The following VWC2 variants were observed in gnomAD, a reference collection of about 807,000 sequenced individuals.
The protein encoded by VWC2 is von Willebrand factor C domain containing 2.
A neutral mutation model predicts 29.8 loss-of-function variants in VWC2; 14 were observed. The observed-to-expected ratio is 0.47, with a 90% CI of 0.31 to 0.74. The LOEUF (loss-of-function observed/expected upper bound fraction) is 0.74, where lower values mean the gene tolerates loss of function less well. Among genes scored for constraint, VWC2 ranks in the 30% least tolerant of loss-of-function variants. The pLI is 0.05. For missense variants in VWC2, 457 were observed against 459.8 expected (o/e 0.99, Z 0.05); for synonymous variants, 213 against 199.0 (o/e 1.07, Z -0.59).
In VWC2 at chr7:49,911,944, C is replaced by A. The variant is rs1289639685; in HGVS notation, c.827-90C>A. ...ACACGCACACACACACACACACACA[C>A]ACATATATATACTGTAATGCTTAAT... is the stretch of plus-strand genomic sequence containing the variant. On this transcript the variant is annotated intron_variant, in intron 3 of 3. Coordinates refer to ENST00000340652, the MANE Select transcript of VWC2 (RefSeq NM_198570.5). 31 of 1,039,272 alleles carry A rather than the reference C, an allele frequency of 3.0e-5. 1 individual carries two copies. Among genetic ancestry groups the A allele is most frequent in the Non-Finnish European group, 3.9e-5 (30 of 770,418 alleles). The allele number at this position is 1,039,272 out of a possible 1,614,324, so 64.4% of individuals were successfully genotyped here. A position where few individuals can be genotyped will look rare whatever the true frequency, so the allele number is the denominator to read the frequency against.
chr7:49,797,455 G>A (rs1383280845), intron 2 of VWC2, among the ~76,000 whole-genome samples: 1 of 152,154 alleles, frequency 6.6e-6, no homozygotes. Flanking sequence ...TTTGCTTCAG[G>A]TTTGAGGGTG....
chr7:49,885,671 C>A (rs1230883137), intron 3 of VWC2, among the ~76,000 whole-genome samples: 1 of 152,186 alleles, frequency 6.6e-6, no homozygotes, highest in Non-Finnish European at 1.5e-5. Context: ...TCCATTAATA[C>A]AGAGGTGTTA....
chr7:49,875,395 A>C (rs1342622888), intron 3 of VWC2, among the ~76,000 whole-genome samples: 9 of 149,594 alleles, frequency 6.0e-5, no homozygotes, highest in African/African-American at 2.0e-4. Flanking sequence ...AAAAAAAAAA[A>C]AACAGGAATA....
At chr7:49,821,311 G>A (rs994934173) in intron 3 of VWC2, among the ~76,000 whole-genome samples, 1 of 152,288 alleles carries the variant, frequency 6.6e-6, no homozygotes, top group Non-Finnish European at 1.5e-5. Flanking sequence ...AGAAACATCA[G>A]CTTCTAGTTC....
In VWC2 at chr7:49,824,751, A is replaced by T. The variant is rs554746839; in HGVS notation, c.826+21911A>T. 5.9e-5 allele frequency among the ~76,000 whole-genome samples: 9 copies of T among 152,238 alleles called. No individual in the cohort carries two copies. In the East Asian group the frequency reaches 1.5e-3, roughly 26 times the overall value. ...CTCAGTAATATTTATGGTTTTTATT[A>T]TACAGGTTTTGCATATCTTTTGTTA... On this transcript the variant is annotated intron_variant, in intron 3 of 3. Coordinates refer to ENST00000340652, the MANE Select transcript of VWC2 (RefSeq NM_198570.5).
chr7:49,897,881 C>T (rs1430102660), intron 3 of VWC2, among the ~76,000 whole-genome samples: 1 of 152,206 alleles, frequency 6.6e-6, no homozygotes, highest in African/African-American at 2.4e-5. Flanking sequence ...ACAAGGTTCT[C>T]ACAGTGAATA....
intron 3 of VWC2, among the ~76,000 whole-genome samples, chr7:49,817,586 G>T (rs1789175788): frequency 6.6e-6 from 1 of 152,158 alleles, no homozygotes; most frequent in Non-Finnish European, 1.5e-5. Context: ...GACACATTCT[G>T]CTCTTACACT....
At chr7:49,839,141 G>A (rs895417969) in intron 3 of VWC2, among the ~76,000 whole-genome samples, 9 of 152,230 alleles carry the variant, frequency 5.9e-5, no homozygotes, top group Admixed American at 2.0e-4. Flanking sequence ...ACAAGAGCCC[G>A]CACCAGACAA....
chr7:49,829,226 C>A (rs1357530835), intron 3 of VWC2, among the ~76,000 whole-genome samples: 1 of 152,206 alleles, frequency 6.6e-6, no homozygotes, highest in Admixed American at 6.5e-5. Flanking sequence ...AAGGCTGTAT[C>A]AGGATTTCTC....
In VWC2 at chr7:49,775,998, C is replaced by G; in HGVS notation, c.563C>G (p.Ala188Gly). The G allele has an allele frequency of 6.5e-7, 1 of 1,544,694 alleles. No individual in the cohort carries two copies. The highest frequency in any genetic ancestry group is 2.4e-5 in the East Asian group (1 of 41,076). Residue 188 changes from alanine (A) to glycine (G), a missense_variant, in exon 2 of 4, where the codon GCG (alanine) becomes GGG (glycine). Physicochemically the swap from Ala to Gly is moderately conservative, Grantham distance 60. This residue lies in a region of VWC2 where 185 missense variants were observed against 257.1 expected (regional missense o/e 0.72). Coordinates refer to ENST00000340652, the MANE Select transcript of VWC2 (RefSeq NM_198570.5). ...TGCACCGAGGAGGGGCCGCTGTGCGCGCAGCCCGAGTGCCCGAGGCTGCAC... is the reference window on the plus strand; with the variant it reads ...TGCACCGAGGAGGGGCCGCTGTGCGGGCAGCCCGAGTGCCCGAGGCTGCAC... Reference protein sequence around the residue: ...CLCTEEGPLCAQPECPRLHPR... With the variant: ...CLCTEEGPLCGQPECPRLHPR...
At chr7:49,793,895 C>A (rs549815497) in intron 2 of VWC2, among the ~76,000 whole-genome samples, 5 of 152,292 alleles carry the variant, frequency 3.3e-5, no homozygotes, top group African/African-American at 1.2e-4. Context: ...GCTGGTAGAC[C>A]AGGGGCATTT....
At chr7:49,864,721 T>C (rs1790807649) in intron 3 of VWC2, among the ~76,000 whole-genome samples, 1 of 152,212 alleles carries the variant, frequency 6.6e-6, no homozygotes, top group African/African-American at 2.4e-5. Context: ...CAAACAGACA[T>C]GCACAATAAT....
At chr7:49,852,896 G>A (rs1469088162) in intron 3 of VWC2, among the ~76,000 whole-genome samples, 1 of 152,218 alleles carries the variant, frequency 6.6e-6, no homozygotes, top group East Asian at 1.9e-4. Context: ...TAAAGCCAGG[G>A]CACTCTGTGG....
chr7:49,883,300 C>CA (rs1469525367), intron 3 of VWC2, among the ~76,000 whole-genome samples: 1 of 151,956 alleles, frequency 6.6e-6, no homozygotes, highest in African/African-American at 2.4e-5. Flanking sequence ...CCATGGAGAA[C>CA]AAACCAGGCC....
At chr7:49,848,347 T>C (rs1032021989) in intron 3 of VWC2, among the ~76,000 whole-genome samples, 2 of 152,180 alleles carry the variant, frequency 1.3e-5, no homozygotes, top group African/African-American at 2.4e-5. Flanking sequence ...TAGCTCCAAA[T>C]GTCCTGCTCC....
At chr7:49,830,968 G>A (rs186722725) in intron 3 of VWC2, among the ~76,000 whole-genome samples, 53 of 152,164 alleles carry the variant, frequency 3.5e-4, no homozygotes, top group Middle Eastern at 3.4e-3. Context: ...GAATAGTGCC[G>A]CACTATTTCT....
chr7:49,861,794 C>T (rs1465248553), intron 3 of VWC2, among the ~76,000 whole-genome samples: 1 of 152,172 alleles, frequency 6.6e-6, no homozygotes, highest in Non-Finnish European at 1.5e-5. Flanking sequence ...TGTCAAAAAT[C>T]AGTTGGATGC....
chr7:49,778,492 TA>T (rs1249050332), intron 2 of VWC2, among the ~76,000 whole-genome samples: 2 of 152,238 alleles, frequency 1.3e-5, no homozygotes, highest in African/African-American at 4.8e-5. Flanking sequence ...ATAAAGATTT[TA>T]TAGTGTTAGA....
At chr7:49,893,389 A>G (rs927841826) in intron 3 of VWC2, among the ~76,000 whole-genome samples, 3 of 152,234 alleles carry the variant, frequency 2.0e-5, no homozygotes, top group Non-Finnish European at 2.9e-5. Context: ...ATAGTTTTCA[A>G]GCTGGCAGGC....
Sources: gnomAD v4.1 joint callset for allele counts (sites outside exome capture counted in the v4.1 genomes callset) on GRCh38, gnomAD v4.1.1 for gene constraint, gnomAD v4.1.1 regional missense constraint, MANE v1.5 for transcripts, NCBI Gene and HGNC (gene_info 2026-07-23, HGNC 2026-07-21) for gene names.